Variants in UBR3 observed in about 807,000 individuals in gnomAD.
UBR3 encodes the protein E3 ubiquitin-protein ligase UBR3.
A neutral mutation model predicts 243.2 loss-of-function variants in UBR3; 85 were observed. The ratio of observed to expected loss-of-function variants is 0.35; its 90% confidence interval spans 0.29 to 0.42. The LOEUF is 0.42. Ranked by LOEUF, UBR3 falls within the 10% of genes least tolerant of loss-of-function variation. The pLI is 1.00. For synonymous variants in UBR3, 748 were observed against 799.8 expected, an observed-to-expected ratio of 0.94 and a Z score of 1.09; for missense variants, 1,686 against 2,300.8, an observed-to-expected ratio of 0.73 and a Z score of 5.47.
In UBR3 at chr2:169,872,417, G is replaced by T. The variant is rs2083465162; in HGVS notation, c.685+42G>T. 1.3e-5 allele frequency: 17 copies of T among 1,337,494 alleles called. No individual in the cohort carries two copies. In the East Asian group the frequency reaches 4.3e-4, roughly 34 times the overall value. The allele number at this position is 1,337,494 out of a possible 1,614,324, so 82.9% of individuals were successfully genotyped here. A position where few individuals can be genotyped will look rare whatever the true frequency, so the allele number is the denominator to read the frequency against. On this transcript the variant is annotated intron_variant, in intron 2 of 38. Coordinates refer to ENST00000272793, the MANE Select transcript of UBR3 (RefSeq NM_172070.4). ...TTCTTGTTAGTACTCTTTTTAAATT[G>T]TAAATTTACAAAGTTTTAGTATTAA... is the stretch of plus-strand genomic sequence containing the variant.
At chr2:169,881,401 A>T (rs1316779983) in intron 5 of UBR3, among the ~76,000 whole-genome samples, 1 of 151,714 alleles carries the variant, frequency 6.6e-6, no homozygotes, top group East Asian at 1.9e-4. Flanking sequence ...CTGGTGTTGA[A>T]CTCCTGACCT....
At chr2:170,006,208 C>T (rs1285172753) in intron 27 of UBR3, among the ~76,000 whole-genome samples, 5 of 152,120 alleles carry the variant, frequency 3.3e-5, no homozygotes, top group Non-Finnish European at 7.4e-5. Flanking sequence ...TCTGTTGTGG[C>T]ATTTATCACA....
At chr2:170,064,772 AATTT>A (rs1425282042) in intron 35 of UBR3, among the ~76,000 whole-genome samples, 1 of 147,678 alleles carries the variant, frequency 6.8e-6, no homozygotes, top group Non-Finnish European at 1.5e-5. Context: ...GTGAATGTCC[AATTT>A]ATTCTTGACG....
intron 24 of UBR3, among the ~76,000 whole-genome samples, chr2:169,974,471 C>G (rs2088328813): frequency 1.3e-5 from 2 of 152,090 alleles, no homozygotes; most frequent in Non-Finnish European, 1.5e-5. Flanking sequence ...TCATAATAGT[C>G]TCTAATGACC....
chr2:169,834,959 G>A (rs10199673), intron 1 of UBR3, among the ~76,000 whole-genome samples: 303 of 152,222 alleles, frequency 2.0e-3, no homozygotes, highest in African/African-American at 7.1e-3. Flanking sequence ...TGAAGTGCCC[G>A]GAATAGTCAA....
At chr2:169,831,374 TC>T (rs1368638054) in intron 1 of UBR3, among the ~76,000 whole-genome samples, 1 of 150,822 alleles carries the variant, frequency 6.6e-6, no homozygotes, top group Non-Finnish European at 1.5e-5. Flanking sequence ...GGTCTTGAAC[TC>T]CTGACCTTAG....
chr2:169,865,214 T>C (rs1004950895), intron 1 of UBR3, among the ~76,000 whole-genome samples: 23 of 152,202 alleles, frequency 1.5e-4, no homozygotes, highest in Non-Finnish European at 2.5e-4. Flanking sequence ...GGTCATGCTA[T>C]ATTGCCCAAG....
chr2:170,040,577 A>G (rs16857514), intron 31 of UBR3, among the ~76,000 whole-genome samples: 7,770 of 152,204 alleles, frequency 0.051, 389 homozygotes, highest in African/African-American at 0.13. Flanking sequence ...TTCATTCTCT[A>G]TGTAATACTT....
intron 10 of UBR3, among the ~76,000 whole-genome samples, chr2:169,908,509 C>G (rs1264058220): frequency 1.3e-5 from 2 of 152,124 alleles, no homozygotes; most frequent in Non-Finnish European, 2.9e-5. Context: ...ATATGCCAGA[C>G]ATTGTTTAGA....
At chr2:169,958,633 T>C (rs1180982649) in intron 24 of UBR3, 107 bp downstream of exon 24, 3 of 958,110 alleles carry the variant, frequency 3.1e-6, no homozygotes, top group Middle Eastern at 2.2e-4. Context: ...TTTTGATTTC[T>C]AGTGTTTATT....
At chr2:169,838,657 C>T (rs2082193497) in intron 1 of UBR3, among the ~76,000 whole-genome samples, 1 of 152,148 alleles carries the variant, frequency 6.6e-6, no homozygotes, top group African/African-American at 2.4e-5. Context: ...GGTGCTCTGC[C>T]TCTGCCCCTC....
At chr2:170,024,374 AAG>A (rs1553536702) in intron 30 of UBR3, among the ~76,000 whole-genome samples, 1 of 147,518 alleles carries the variant, frequency 6.8e-6, no homozygotes, top group Non-Finnish European at 1.5e-5. Flanking sequence ...AAAAAAAAAA[AAG>A]AGAAAAGAAA....
chr2:170,021,833 A>G (rs1385516778), intron 30 of UBR3, among the ~76,000 whole-genome samples: 1 of 152,182 alleles, frequency 6.6e-6, no homozygotes, highest in Non-Finnish European at 1.5e-5. Flanking sequence ...TGAAAGTGCC[A>G]TGATTTGTGA....
At chr2:170,080,181 G>T in intron 37 of UBR3, 158 bp downstream of exon 37, 2 of 726,118 alleles carry the variant, frequency 2.8e-6, no homozygotes, top group South Asian at 2.1e-5. Context: ...AGTAAAAAAA[G>T]AAAGTCTTTG....
At chr2:169,857,064 G>GTTTTTTTT (rs770674966) in intron 1 of UBR3, among the ~76,000 whole-genome samples, 1,107 of 55,880 alleles carry the variant, frequency 0.02, 227 homozygotes, top group East Asian at 0.044. Context: ...ATTTTATTAT[G>GTTTTTTTT]TTTTTTTTTT....
intron 22 of UBR3, 66 bp downstream of exon 22, chr2:169,947,781 A>G (rs2086844038): frequency 3.9e-6 from 5 of 1,295,656 alleles, no homozygotes; most frequent in African/African-American, 1.5e-5. Flanking sequence ...GTTGGGATAT[A>G]CTGTTCCTAT....
At chr2:170,060,438 T>C (rs1038600489) in intron 33 of UBR3, among the ~76,000 whole-genome samples, 3 of 152,044 alleles carry the variant, frequency 2.0e-5, no homozygotes, top group African/African-American at 7.3e-5. Flanking sequence ...TTTTATAGTG[T>C]ATTATTTTAA....
intron 24 of UBR3, among the ~76,000 whole-genome samples, chr2:169,975,091 T>G (rs2126348): frequency 0.98 from 149,236 of 152,208 alleles, 73,212 homozygotes; most frequent in East Asian, 1. Context: ...GATTGCTTGA[T>G]CCCGGGAGGT....
rs1215002705 is a variant in UBR3 at position 169,891,239 on chromosome 2, T to C, written c.1105+8T>C. 5.8e-6 allele frequency: 9 copies of C among 1,539,380 alleles called. No individual in the cohort carries two copies. The South Asian group carries it at 9.7e-5, about 17-fold the overall frequency. On this transcript the variant is annotated splice_region_variant and intron_variant, in intron 6 of 38. Transcript: ENST00000272793. Reference sequence around the variant, plus strand: ...TAAGCAGTGGCACCAAAGGTATTTGTATTTATTATTATTTTTTTCCTTGAA... The same window carrying C: ...TAAGCAGTGGCACCAAAGGTATTTGCATTTATTATTATTTTTTTCCTTGAA...
Sources: gnomAD v4.1 joint callset for allele counts (sites outside exome capture counted in the v4.1 genomes callset) on GRCh38, gnomAD v4.1.1 for gene constraint, MANE v1.5 for transcripts, NCBI Gene and HGNC (gene_info 2026-07-23, HGNC 2026-07-21) for gene names.